Variants in FNDC3B observed in about 807,000 individuals in gnomAD.
FNDC3B encodes fibronectin type III domain-containing protein 3B.
A neutral mutation model predicts 151.5 loss-of-function variants in FNDC3B; 12 were observed. The observed-to-expected ratio is 0.08, with a 90% CI of 0.05 to 0.13. The LOEUF (loss-of-function observed/expected upper bound fraction) is 0.13. Among genes scored for constraint, FNDC3B ranks in the 10% least tolerant of loss-of-function variants. The probability of loss-of-function intolerance (pLI) is 1.00; values close to 1 mark genes in which losing one functional copy is unlikely to be tolerated. For synonymous variants in FNDC3B, 528 were observed against 549.0 expected (o/e 0.96, Z 0.54); for missense variants, 1,214 against 1,505.3 (o/e 0.81, Z 3.20).
intron 1 of FNDC3B, among the ~76,000 whole-genome samples, chr3:172,054,450 G>A (rs1348311120): frequency 1.3e-5 from 2 of 152,234 alleles, no homozygotes; most frequent in Non-Finnish European, 2.9e-5. Context: ...TTAAGGACAA[G>A]GCTCTGAAGA....
chr3:172,337,453 C>T (rs777319671), intron 16 of FNDC3B, 52 bp downstream of exon 16: 2 of 1,132,902 alleles, frequency 1.8e-6, no homozygotes, highest in Non-Finnish European at 2.7e-6. Flanking sequence ...GCTCTGTTTT[C>T]TAATATAGTA....
chr3:172,253,602 A>C (rs542125833), intron 6 of FNDC3B, among the ~76,000 whole-genome samples: 1 of 152,344 alleles, frequency 6.6e-6, no homozygotes, highest in African/African-American at 2.4e-5. Context: ...CCACCTGATT[A>C]ATCTAAAACT....
intron 3 of FNDC3B, among the ~76,000 whole-genome samples, chr3:172,199,967 A>G (rs1392135787): frequency 2.0e-5 from 3 of 152,172 alleles, no homozygotes; most frequent in African/African-American, 4.8e-5. Context: ...TATGGTTACC[A>G]TATACTTTAC....
At chr3:172,344,881 G>T (rs1400321396) in intron 19 of FNDC3B, among the ~76,000 whole-genome samples, 1 of 152,086 alleles carries the variant, frequency 6.6e-6, no homozygotes, top group East Asian at 1.9e-4. Flanking sequence ...GATGAATAAT[G>T]AGCAGTGGGA....
At chr3:172,109,164 C>CTTTTTTTT (rs398052444) in intron 1 of FNDC3B, among the ~76,000 whole-genome samples, 1 of 120,070 alleles carries the variant, frequency 8.3e-6, no homozygotes, top group African/African-American at 3.2e-5. Context: ...GCCTTGGATT[C>CTTTTTTTT]TTTTTTTTTT....
Position 172,126,167 on chromosome 3 carries a change from C to T in FNDC3B, c.112-7304C>T, listed in dbSNP as rs143253190. On this transcript the variant is annotated intron_variant, in intron 2 of 25. Transcript: ENST00000415807. Reference sequence around the variant, plus strand: ...TCCCAGATGGAGTTTCAACTTGGCTCATTATACTGCACTGATGTCATGGTA... The same window carrying T: ...TCCCAGATGGAGTTTCAACTTGGCTTATTATACTGCACTGATGTCATGGTA... Among the ~76,000 whole-genome samples, 603 of 152,032 alleles carry T rather than the reference C, an allele frequency of 4.0e-3. 2 individuals carry two copies. The highest frequency in any genetic ancestry group is 0.02 in the Middle Eastern group (6 of 294).
At chr3:172,377,549 T>C (rs1164177659) in intron 23 of FNDC3B, among the ~76,000 whole-genome samples, 1 of 152,186 alleles carries the variant, frequency 6.6e-6, no homozygotes. Flanking sequence ...TGCTTAACGT[T>C]TCATGGAAAT....
chr3:172,291,915 A>G (rs1172492458), intron 7 of FNDC3B, among the ~76,000 whole-genome samples: 1 of 152,186 alleles, frequency 6.6e-6, no homozygotes, highest in Admixed American at 6.5e-5. Context: ...TGAAATCGGC[A>G]TGAACCTAGA....
intron 4 of FNDC3B, among the ~76,000 whole-genome samples, chr3:172,233,584 C>A (rs1278378172): frequency 1.3e-5 from 2 of 152,202 alleles, no homozygotes; most frequent in Admixed American, 6.5e-5. Context: ...ATACTTTCCC[C>A]CCATTTCGCT....
intron 1 of FNDC3B, among the ~76,000 whole-genome samples, chr3:172,061,698 T>C (rs1265998269): frequency 6.6e-6 from 1 of 152,266 alleles, no homozygotes; most frequent in Non-Finnish European, 1.5e-5. Flanking sequence ...TATATTTTCC[T>C]GTCTCTTTTG....
chr3:172,257,203 G>A (rs369325124), intron 6 of FNDC3B, among the ~76,000 whole-genome samples: 13 of 152,286 alleles, frequency 8.5e-5, no homozygotes, highest in Admixed American at 3.9e-4. Flanking sequence ...GAGCCACTGC[G>A]CCTGGCCTCC....
chr3:172,377,619 T>C (rs1735220376), intron 23 of FNDC3B, among the ~76,000 whole-genome samples: 1 of 152,216 alleles, frequency 6.6e-6, no homozygotes, highest in Non-Finnish European at 1.5e-5. Context: ...AGCCAAAAGC[T>C]GCCAGTCCAA....
chr3:172,397,113 G>A (rs1736328606), intron 25 of FNDC3B, 51 bp from the exon 26 acceptor site: 2 of 1,427,254 alleles, frequency 1.4e-6, no homozygotes, highest in East Asian at 4.6e-5. Context: ...TTCTTCTAGA[G>A]ACAACAGTGT....
At chr3:172,162,991 A>T (rs907850042) in intron 3 of FNDC3B, among the ~76,000 whole-genome samples, 2 of 152,220 alleles carry the variant, frequency 1.3e-5, no homozygotes, top group African/African-American at 4.8e-5. Flanking sequence ...AATAATTAAT[A>T]GCTGGGCATG....
At chr3:172,228,871 A>G (rs1205543018) in intron 4 of FNDC3B, among the ~76,000 whole-genome samples, 1 of 152,196 alleles carries the variant, frequency 6.6e-6, no homozygotes, top group East Asian at 1.9e-4. Context: ...ATGACACGTT[A>G]CAGTAGAGTA....
rs180967490 is a variant in FNDC3B, at chr3:172,207,701, A to C, written c.188-19170A>C. 4.0e-3 allele frequency among the ~76,000 whole-genome samples: 616 copies of C among 152,290 alleles called. 3 individuals carry two copies. The highest frequency in any genetic ancestry group is 0.014 in the African/African-American group (583 of 41,560). ...AGTGGCTCACACCTGTAATCCCAGC[A>C]CTTTGGGAGGCCTAGGTGGGTGGAT... On this transcript the variant is annotated intron_variant, in intron 3 of 25. Transcript: ENST00000415807.
intron 3 of FNDC3B, among the ~76,000 whole-genome samples, chr3:172,186,273 A>G (rs1229527204): frequency 6.6e-6 from 1 of 152,222 alleles, no homozygotes; most frequent in Admixed American, 6.5e-5. Flanking sequence ...GTTGATGTCT[A>G]AATAAAATTT....
intron 3 of FNDC3B, among the ~76,000 whole-genome samples, chr3:172,192,796 C>A (rs1724598463): frequency 6.6e-6 from 1 of 151,970 alleles, no homozygotes; most frequent in Non-Finnish European, 1.5e-5. Flanking sequence ...CTGTAGCCTC[C>A]AGTGGACTGA....
chr3:172,383,793 G>A (rs1311952921), intron 25 of FNDC3B, among the ~76,000 whole-genome samples: 11 of 152,200 alleles, frequency 7.2e-5, no homozygotes. Flanking sequence ...TTCCAAAGAA[G>A]AATCAGATCA....
Sources: gnomAD v4.1 joint callset for allele counts (sites outside exome capture counted in the v4.1 genomes callset) on GRCh38, gnomAD v4.1.1 for gene constraint, MANE v1.5 for transcripts, NCBI Gene and HGNC (gene_info 2026-07-23, HGNC 2026-07-21) for gene names.